ASB13: variants seen among roughly 807,000 people sequenced by gnomAD.
The protein encoded by ASB13 is ankyrin repeat and SOCS box protein 13.
In ASB13, 33 loss-of-function variants were observed where a neutral mutation model predicts 28.8. The ratio of observed to expected loss-of-function variants is 1.15; its 90% CI spans 0.87 to 1.53. The LOEUF is 1.53. ASB13 is among the 40% of genes most tolerant of loss of function. The pLI is 0.00. For missense variants in ASB13, 414 were observed against 390.1 expected, an observed-to-expected ratio of 1.06 and a Z score of -0.52; for synonymous variants, 182 against 172.9, an observed-to-expected ratio of 1.05 and a Z score of -0.41.
rs1172908221 is a variant in ASB13, at chr10:5,640,179, G to C, written c.*524C>G. Reference sequence around the variant, plus strand: ...CATCCACACAGCAGCCAGCAGAGCAGCAGTCCCAGGCCACATCCCAGGCCG... The same window carrying C: ...CATCCACACAGCAGCCAGCAGAGCACCAGTCCCAGGCCACATCCCAGGCCG... On this transcript the variant is annotated 3_prime_UTR_variant, in exon 6 of 6. Coordinates refer to ENST00000357700, the MANE Select transcript of ASB13 (RefSeq NM_024701.4). 1 of 154,286 alleles carries C rather than the reference G, an allele frequency of 6.5e-6. No homozygotes were observed. 9.6% of individuals were successfully genotyped at this position (154,286 alleles called of 1,614,324 possible).
In ASB13 at chr10:5,661,169, T is replaced by C. The variant is rs1412109233; in HGVS notation, c.43+5340A>G. Among the ~76,000 whole-genome samples the C allele has an allele frequency of 6.6e-6, 1 of 152,044 alleles. No homozygotes were observed. The highest frequency in any genetic ancestry group is 2.4e-5 in the African/African-American group (1 of 41,396). ...GGCCACCCCCTAGAGAGCCTGTGTC[T>C]AGGAGGCAGCTGGCCTGCTGGCCCC... is the stretch of plus-strand genomic sequence containing the variant. On this transcript the variant is annotated intron_variant, in intron 1 of 5. Transcript: ENST00000357700. The surrounding 1 kb of genome is among the most constrained non-coding windows in gnomAD (Gnocchi z 4.9).
At chr10:5,646,208 C>T (rs1407489170) in intron 4 of ASB13, among the ~76,000 whole-genome samples, 2 of 152,204 alleles carry the variant, frequency 1.3e-5, no homozygotes, top group Non-Finnish European at 2.9e-5. Flanking sequence ...TCCTTTCCAG[C>T]CCCCACCCCC....
At position 5,640,445 on chromosome 10, in the gene ASB13, T is replaced by C. The variant is rs1041197095; in HGVS notation, c.*258A>G. The stretch of plus-strand genomic sequence containing the variant: ...GAGGAAAACTGGATGGTTGGGCCCA[T>C]GCCCATTGAGAGGGTAGGTTCTGTA... On this transcript the variant is annotated 3_prime_UTR_variant, in exon 6 of 6. Coordinates refer to ENST00000357700, the MANE Select transcript of ASB13 (RefSeq NM_024701.4). The C allele has an allele frequency of 4.7e-6, 2 of 422,502 alleles. No homozygotes were observed. The highest frequency in any genetic ancestry group is 2.0e-5 in the African/African-American group (1 of 49,716). 26.2% of individuals were successfully genotyped at this position (422,502 alleles called of 1,614,324 possible). A position where few individuals can be genotyped will look rare whatever the true frequency, so the allele number is the denominator to read the frequency against.
chr10:5,648,746 G>A (rs1406732795), intron 4 of ASB13, among the ~76,000 whole-genome samples: 6 of 146,720 alleles, frequency 4.1e-5, no homozygotes, highest in African/African-American at 1.5e-4. Context: ...ACCCACACGG[G>A]CAAACACCCA....
chr10:5,652,954 T>C lies in ASB13; in HGVS notation c.140A>G (p.Gln47Arg). 1.3e-6 allele frequency: 2 copies of C among 1,576,344 alleles called. No individual in the cohort carries two copies. The highest frequency in any genetic ancestry group is 1.7e-6 in the Non-Finnish European group (2 of 1,161,078). ...QLIESGACVN[Q>R]VTVDSITPLH... is the part of the protein sequence containing the mutation. ...GGGCGTGATGGAGTCCACGGTGACC[T>C]GGTTCACGCAGGCGCCGCTCTCGAT... Residue 47 changes from glutamine (Q) to arginine (R), a missense_variant, in exon 2 of 6, where the codon CAG (glutamine) becomes CGG (arginine). Transcript: ENST00000357700. This position sits in a 1 kb window ranked among gnomAD's most constrained non-coding sequence, Gnocchi z 5.0.
At position 5,658,363 on chromosome 10, in the gene ASB13, GGAGGTTGCAGT is replaced by G. The variant is rs1191032377; in HGVS notation, c.44-5324_44-5314del. Reference sequence around the variant, plus strand: ...GGAGAATCACTTGAACCCAGGAGGTGGAGGTTGCAGTGAGCCAAAATCGTGCCATTGCACTA... The same window carrying G: ...GGAGAATCACTTGAACCCAGGAGGTGGAGCCAAAATCGTGCCATTGCACTA... On this transcript the variant is annotated intron_variant, in intron 1 of 5. Transcript: ENST00000357700. The surrounding 1 kb of genome is among the most constrained non-coding windows in gnomAD (Gnocchi z 4.2). Among the ~76,000 whole-genome samples the G allele has an allele frequency of 3.9e-5, 6 of 151,954 alleles. No homozygotes were observed. Among genetic ancestry groups the G allele is most frequent in the African/African-American group, 1.5e-4 (6 of 41,360 alleles).
intron 1 of ASB13, among the ~76,000 whole-genome samples, chr10:5,662,995 A>G (rs1835201072): frequency 6.6e-6 from 1 of 152,214 alleles, no homozygotes; most frequent in Admixed American, 6.5e-5. Context: ...GTCTGGGCTC[A>G]GTGTTTTGTT....
In ASB13 at chr10:5,641,736, G is replaced by A; in HGVS notation, c.709+34C>T. On this transcript the variant is annotated intron_variant, in intron 5 of 5. Transcript: ENST00000357700. This position sits in a 1 kb window ranked among gnomAD's most constrained non-coding sequence, Gnocchi z 8.4. ...CGTCAGGGGTCCAGGCTGAAGGCTG[G>A]AGGGGATGGGGTGCGCTCGGTGGGG... 1 of 1,539,236 alleles carries A rather than the reference G, an allele frequency of 6.5e-7. No individual in the cohort carries two copies.
chr10:5,648,823 C>T (rs1050666044), intron 4 of ASB13, 147 bp downstream of exon 4: 12 of 1,454,632 alleles, frequency 8.2e-6, no homozygotes, highest in South Asian at 3.9e-5. Flanking sequence ...AACACCCACG[C>T]GGGCAAACAT....
At position 5,652,586 on chromosome 10, in the gene ASB13, G is replaced by A. The variant is rs1001495053; in HGVS notation, c.231+277C>T. On this transcript the variant is annotated intron_variant, in intron 2 of 5. Transcript: ENST00000357700. The surrounding 1 kb of genome is among the most constrained non-coding windows in gnomAD (Gnocchi z 5.0). ...CACCCAGGCCTGGCTGCCCCTGAGA[G>A]AGCCTGTGTCTAGGCTGCGGCCAGC... Among the ~76,000 whole-genome samples the A allele has an allele frequency of 6.6e-6, 1 of 152,218 alleles. No individual in the cohort carries two copies. The highest frequency in any genetic ancestry group is 1.5e-5 in the Non-Finnish European group (1 of 68,030).
At chr10:5,646,993 C>T (rs138084592) in intron 4 of ASB13, among the ~76,000 whole-genome samples, 110 of 152,266 alleles carry the variant, frequency 7.2e-4, no homozygotes, top group Non-Finnish European at 1.0e-3. Flanking sequence ...CTACACAAAA[C>T]GAATCTTTTC....
At chr10:5,648,923 C>A (rs767047170) in intron 4 of ASB13, 47 bp downstream of exon 4, 32 of 1,602,816 alleles carry the variant, frequency 2.0e-5, no homozygotes, top group Non-Finnish European at 2.6e-5. Context: ...CCCGCTCGGG[C>A]AAACACCCAC....
Position 5,651,153 on chromosome 10 carries a change from C to A in ASB13, c.382+60G>T. 2 of 1,532,850 alleles carry A rather than the reference C, an allele frequency of 1.3e-6. No homozygotes were observed. The highest frequency in any genetic ancestry group is 1.8e-6 in the Non-Finnish European group (2 of 1,139,326). 95.0% of individuals were successfully genotyped at this position (1,532,850 alleles called of 1,614,324 possible). A position where few individuals can be genotyped will look rare whatever the true frequency, so the allele number is the denominator to read the frequency against. Reference sequence around the variant, plus strand: ...GCTTCCTTCCCTAAGTCCCTTTAATCCCAGAAAGGAGGAAACTTCCAGAGC... The same window carrying A: ...GCTTCCTTCCCTAAGTCCCTTTAATACCAGAAAGGAGGAAACTTCCAGAGC... On this transcript the variant is annotated intron_variant, in intron 3 of 5. Coordinates refer to ENST00000357700, the MANE Select transcript of ASB13 (RefSeq NM_024701.4). This position sits in a 1 kb window ranked among gnomAD's most constrained non-coding sequence, Gnocchi z 5.1.
Position 5,649,097 on chromosome 10 carries a change from G to C in ASB13, c.390C>G (p.Ser130=). ...CGTCAATAAGAAGCCTCACACATTC[G>C]GAACTCCCTTAAGATAAATGGAAAA... is the stretch of plus-strand genomic sequence containing the variant. ...PLHEACMSGS[S]ECVRLLIDVG... The change falls in exon 4 of 6, where the codon TCC becomes TCG. Residue 130 remains serine, a synonymous_variant. Transcript: ENST00000357700. The surrounding 1 kb of genome is among the most constrained non-coding windows in gnomAD (Gnocchi z 6.4). The C allele has an allele frequency of 1.2e-6, 2 of 1,614,150 alleles. No individual in the cohort carries two copies. Among genetic ancestry groups the C allele is most frequent in the Non-Finnish European group, 1.7e-6 (2 of 1,180,022 alleles).
chr10:5,642,653 G>GTTTTTT lies in ASB13; in HGVS notation c.518-698_518-693dup. The GTTTTTT allele has an allele frequency of 2.8e-6, 1 of 352,770 alleles. No homozygotes were observed. 21.9% of individuals were successfully genotyped at this position (352,770 alleles called of 1,614,324 possible). ...AGTAGCTAAATATGGCTGGTTTTGG[G>GTTTTTT]TTTTTTTTTTTGAGACAGAGTCTCA... On this transcript the variant is annotated intron_variant, in intron 4 of 5. Transcript: ENST00000357700. The surrounding 1 kb of genome is among the most constrained non-coding windows in gnomAD (Gnocchi z 4.1).
In ASB13 at chr10:5,649,231, G is replaced by T; in HGVS notation, c.383-127C>A. 7.6e-7 allele frequency: 1 copy of T among 1,313,552 alleles called. No homozygotes were observed. Among genetic ancestry groups the T allele is most frequent in the Non-Finnish European group, 1.1e-6 (1 of 945,468 alleles). 81.4% of individuals were successfully genotyped at this position (1,313,552 alleles called of 1,614,324 possible). ...GGGCAGGGAAGCCAGGCAGGCCTGC[G>T]TCCCAACCTAGGGAGGAGTTCATGA... On this transcript the variant is annotated intron_variant, in intron 3 of 5. Transcript: ENST00000357700. This position sits in a 1 kb window ranked among gnomAD's most constrained non-coding sequence, Gnocchi z 6.4.
At chr10:5,654,642 G>T (rs1835043625) in intron 1 of ASB13, among the ~76,000 whole-genome samples, 9 of 152,200 alleles carry the variant, frequency 5.9e-5, no homozygotes, top group Admixed American at 5.9e-4. Flanking sequence ...CAACAGTGCT[G>T]GATGAAAGCT....
In ASB13 at chr10:5,658,745, A is replaced by AT. The variant is rs796188460; in HGVS notation, c.44-5696dup. On this transcript the variant is annotated intron_variant, in intron 1 of 5. Coordinates refer to ENST00000357700, the MANE Select transcript of ASB13 (RefSeq NM_024701.4). The surrounding 1 kb of genome is among the most constrained non-coding windows in gnomAD (Gnocchi z 4.2). ...CTACAATTAAAAATAGAAAAAAAAA[A>AT]TTTTTAAGTAACCAGAAGCTGGAGG... Among the ~76,000 whole-genome samples, 12 of 151,638 alleles carry AT rather than the reference A, an allele frequency of 7.9e-5. No homozygotes were observed. The highest frequency in any genetic ancestry group is 1.5e-4 in the Non-Finnish European group (10 of 67,946).
rs866484473 is a variant in ASB13, at chr10:5,644,622, A to G, written c.518-2661T>C. On this transcript the variant is annotated intron_variant, in intron 4 of 5. Coordinates refer to ENST00000357700, the MANE Select transcript of ASB13 (RefSeq NM_024701.4). This position sits in a 1 kb window ranked among gnomAD's most constrained non-coding sequence, Gnocchi z 5.1. The stretch of plus-strand genomic sequence containing the variant: ...CACCTGAGGTCAGGAGTTCAAGACC[A>G]GCCTAGCCAATATGGTGAAACCTCG... Among the ~76,000 whole-genome samples the G allele has an allele frequency of 2.4e-4, 36 of 152,178 alleles. No homozygotes were observed. Among genetic ancestry groups the G allele is most frequent in the Middle Eastern group, 3.2e-3 (1 of 316 alleles).
Sources: gnomAD v4.1 joint callset for allele counts (sites outside exome capture counted in the v4.1 genomes callset) on GRCh38, gnomAD v4.1.1 for gene constraint, Gnocchi (gnomAD v3.1) non-coding constraint, MANE v1.5 for transcripts, NCBI Gene and HGNC (gene_info 2026-07-23, HGNC 2026-07-21) for gene names.